The following SLIT3 variants were observed in gnomAD, a reference collection of about 807,000 sequenced individuals.
SLIT3 encodes the protein slit homolog 3 protein.
Under a neutral mutation model 184.0 loss-of-function variants are expected in SLIT3, and 68 were observed. That is an observed-to-expected ratio of 0.37 (90% CI 0.30 to 0.45). The LOEUF (loss-of-function observed/expected upper bound fraction) is 0.45. Ranked by LOEUF, SLIT3 falls within the 20% of genes least tolerant of loss-of-function variation. SLIT3 has a pLI of 1.00. For synonymous variants in SLIT3, 831 were observed against 828.6 expected (o/e 1.00, Z -0.05); for missense variants, 1,707 against 2,026.0 (o/e 0.84, Z 3.02).
chr5:168,802,194 G>C (rs1274717756), intron 9 of SLIT3, among the ~76,000 whole-genome samples: 2 of 150,622 alleles, frequency 1.3e-5, no homozygotes, highest in Non-Finnish European at 3.0e-5. Context: ...TGATAAATCA[G>C]ATAACTCCTA....
chr5:168,780,516 G>A (rs1336318542), intron 12 of SLIT3, among the ~76,000 whole-genome samples: 1 of 152,206 alleles, frequency 6.6e-6, no homozygotes, highest in African/African-American at 2.4e-5. Flanking sequence ...TCCTTTAGTA[G>A]GAGAATTTAC....
chr5:168,718,749 T>TC (rs1762843197), intron 23 of SLIT3, among the ~76,000 whole-genome samples: 67 of 83,866 alleles, frequency 8.0e-4, no homozygotes, highest in African/African-American at 2.4e-3. Flanking sequence ...CTCTCTCTCT[T>TC]TCTCTCTCTC....
intron 4 of SLIT3, among the ~76,000 whole-genome samples, chr5:168,984,415 A>T (rs1435856032): frequency 6.6e-6 from 1 of 152,152 alleles, no homozygotes; most frequent in African/African-American, 2.4e-5. Flanking sequence ...CCCAAATTCA[A>T]TTAAGTCACC....
At chr5:168,871,583 T>A (rs1759522074) in intron 5 of SLIT3, among the ~76,000 whole-genome samples, 1 of 152,090 alleles carries the variant, frequency 6.6e-6, no homozygotes, top group Non-Finnish European at 1.5e-5. Context: ...GAAAGAGTGA[T>A]GAAGTTAAAT....
intron 26 of SLIT3, among the ~76,000 whole-genome samples, chr5:168,705,216 G>C (rs1473294596): frequency 2.6e-5 from 4 of 152,182 alleles, no homozygotes; most frequent in African/African-American, 9.7e-5. Flanking sequence ...GTGGCCAGGA[G>C]CACAGCTTCT....
intron 4 of SLIT3, among the ~76,000 whole-genome samples, chr5:169,140,193 G>A (rs1168977630): frequency 4.6e-5 from 7 of 151,676 alleles, no homozygotes; most frequent in South Asian, 2.1e-4. Flanking sequence ...GGCCAGGTGC[G>A]GTGGCTCACG....
At chr5:169,068,542 G>C (rs949413214) in intron 4 of SLIT3, among the ~76,000 whole-genome samples, 8 of 152,130 alleles carry the variant, frequency 5.3e-5, no homozygotes. Flanking sequence ...CTTCCTAGTG[G>C]CCAAAGCAAA....
chr5:168,747,515 A>G (rs563779442), intron 20 of SLIT3, among the ~76,000 whole-genome samples: 8 of 151,748 alleles, frequency 5.3e-5, no homozygotes, highest in African/African-American at 1.9e-4. Context: ...TGGTTGTGTG[A>G]GTGTGTGGTG....
At chr5:168,871,379 C>T (rs1759511859) in intron 5 of SLIT3, among the ~76,000 whole-genome samples, 1 of 152,108 alleles carries the variant, frequency 6.6e-6, no homozygotes, top group African/African-American at 2.4e-5. Flanking sequence ...CATTTTTCAG[C>T]CTACCCTAGG....
At chr5:169,076,406 A>T (rs1160941525) in intron 4 of SLIT3, among the ~76,000 whole-genome samples, 1 of 152,224 alleles carries the variant, frequency 6.6e-6, no homozygotes, top group East Asian at 1.9e-4. Context: ...TTTCACAGCA[A>T]GAAAAGCAGC....
intron 5 of SLIT3, among the ~76,000 whole-genome samples, chr5:168,852,535 A>C (rs760989456): frequency 6.6e-6 from 1 of 152,252 alleles, no homozygotes; most frequent in Non-Finnish European, 1.5e-5. Context: ...GGTCGAGGAC[A>C]CAAATCGGCA....
intron 23 of SLIT3, among the ~76,000 whole-genome samples, chr5:168,719,147 C>T (rs1762854962): frequency 6.6e-6 from 1 of 152,186 alleles, no homozygotes; most frequent in African/African-American, 2.4e-5. Context: ...CACTTGCCTG[C>T]CTCAATTGAT....
At chr5:168,779,645 A>C (rs1755897909) in intron 12 of SLIT3, among the ~76,000 whole-genome samples, 1 of 152,200 alleles carries the variant, frequency 6.6e-6, no homozygotes, top group Non-Finnish European at 1.5e-5. Context: ...GGAAAACCAA[A>C]GCAGAAAACA....
chr5:168,902,892 G>A (rs1760919103), intron 4 of SLIT3, among the ~76,000 whole-genome samples: 1 of 152,052 alleles, frequency 6.6e-6, no homozygotes, highest in South Asian at 2.1e-4. Flanking sequence ...TGGGGGTAGT[G>A]GCTGAGTGAA....
chr5:169,219,870 G>T (rs1246063712), intron 3 of SLIT3, among the ~76,000 whole-genome samples: 1 of 152,122 alleles, frequency 6.6e-6, no homozygotes, highest in Admixed American at 6.5e-5. Context: ...TTCCTTCATT[G>T]CTCTCAAAGC....
intron 4 of SLIT3, among the ~76,000 whole-genome samples, chr5:168,914,044 T>C (rs1242911392): frequency 2.0e-5 from 3 of 152,208 alleles, no homozygotes; most frequent in Non-Finnish European, 4.4e-5. Flanking sequence ...CACATACTCT[T>C]TCTTCATATA....
chr5:169,016,062 G>A (rs1452587226), intron 4 of SLIT3, among the ~76,000 whole-genome samples: 4 of 150,398 alleles, frequency 2.7e-5, no homozygotes, highest in Non-Finnish European at 2.9e-5. Flanking sequence ...AATCTCCTTC[G>A]TCTGCCTCAC....
intron 4 of SLIT3, among the ~76,000 whole-genome samples, chr5:168,907,009 C>T (rs1399363909): frequency 2.6e-5 from 4 of 152,060 alleles, no homozygotes; most frequent in African/African-American, 9.7e-5. Flanking sequence ...TACAGGTGCA[C>T]GCCACCAAGC....
intron 4 of SLIT3, among the ~76,000 whole-genome samples, chr5:168,942,499 T>C (rs975719966): frequency 5.9e-5 from 9 of 152,246 alleles, no homozygotes; most frequent in Non-Finnish European, 2.9e-5. Context: ...AATGTATCTA[T>C]GCACATTTCT....
Sources: allele counts gnomAD v4.1 joint callset (sites outside exome capture counted in the v4.1 genomes callset), GRCh38; gene constraint gnomAD v4.1.1; transcripts MANE v1.5; gene names NCBI Gene and HGNC (gene_info 2026-07-23, HGNC 2026-07-21).